SLA: variants seen among roughly 807,000 people sequenced by gnomAD.
The protein encoded by SLA is Src like adaptor.
A neutral mutation model predicts 30.3 loss-of-function variants in SLA; 16 were observed. The observed-to-expected ratio is 0.53, with a 90% confidence interval of 0.36 to 0.80. The LOEUF is 0.80. Ranked by LOEUF, SLA falls within the 30% of genes least tolerant of loss-of-function variation. The pLI, the probability that SLA is intolerant of heterozygous loss-of-function variation, is 0.01. For synonymous variants in SLA, 143 were observed against 137.8 expected (o/e 1.04, Z -0.26); for missense variants, 310 against 345.2 (o/e 0.90, Z 0.81).
intron 8 of SLA, among the ~76,000 whole-genome samples, chr8:133,039,288 T>A (rs1187753753): frequency 3.9e-5 from 6 of 152,264 alleles, no homozygotes; most frequent in African/African-American, 1.2e-4. Flanking sequence ...GGCTGTGTGA[T>A]CTTGGACAAA....
chr8:133,074,157 T>C (rs1844511994), intron 2 of SLA, among the ~76,000 whole-genome samples: 2 of 152,330 alleles, frequency 1.3e-5, no homozygotes, highest in African/African-American at 4.8e-5. Context: ...AACATGCTGT[T>C]TTCAGAATTT....
intron 2 of SLA, among the ~76,000 whole-genome samples, chr8:133,070,812 C>T (rs1340558720): frequency 6.6e-6 from 1 of 152,244 alleles, no homozygotes; most frequent in Non-Finnish European, 1.5e-5. Flanking sequence ...CCCGTGTCTG[C>T]AGGCACCCCC....
intron 3 of SLA, among the ~76,000 whole-genome samples, chr8:133,056,669 C>G (rs1449396392): frequency 6.6e-6 from 1 of 152,198 alleles, no homozygotes; most frequent in Non-Finnish European, 1.5e-5. Flanking sequence ...TAGGCAGAAG[C>G]CTCGTGGGGC....
At chr8:133,059,316 T>A in intron 3 of SLA, 1 of 360,632 alleles carries the variant, frequency 2.8e-6, no homozygotes, top group East Asian at 7.4e-5. Context: ...ATGAGAATTA[T>A]GGACTAGGAA....
At chr8:133,061,732 C>T (rs1587943216) in intron 2 of SLA, among the ~76,000 whole-genome samples, 1 of 152,186 alleles carries the variant, frequency 6.6e-6, no homozygotes, top group Non-Finnish European at 1.5e-5. Context: ...TTATGAAGGG[C>T]ACAAAAGTCA....
chr8:133,059,830 G>T (rs753255799), intron 3 of SLA, among the ~76,000 whole-genome samples: 7 of 152,158 alleles, frequency 4.6e-5, no homozygotes, highest in Non-Finnish European at 8.8e-5. Flanking sequence ...TCCCTATCTG[G>T]AAAATAAAGT....
intron 1 of SLA, among the ~76,000 whole-genome samples, chr8:133,095,902 A>T (rs141786346): frequency 1.9e-3 from 283 of 152,170 alleles, no homozygotes; most frequent in African/African-American, 6.6e-3. Context: ...CTCTTCAACC[A>T]CTGTCTCCTC....
intron 3 of SLA, among the ~76,000 whole-genome samples, chr8:133,057,172 C>A (rs879646081): frequency 0.018 from 2,778 of 152,076 alleles, 97 homozygotes; most frequent in African/African-American, 0.063. Context: ...GTGCTGCTGC[C>A]TCTGTTGGTG....
intron 1 of SLA, among the ~76,000 whole-genome samples, chr8:133,089,672 T>TCC (rs908191515): frequency 6.6e-6 from 1 of 152,196 alleles, no homozygotes; most frequent in African/African-American, 2.4e-5. Flanking sequence ...ATTTGTTCAC[T>TCC]CCCTCACTCA....
At chr8:133,054,507 G>T (rs991681659) in intron 3 of SLA, among the ~76,000 whole-genome samples, 1 of 152,200 alleles carries the variant, frequency 6.6e-6, no homozygotes, top group Admixed American at 6.5e-5. Flanking sequence ...TCATAGGATT[G>T]AGTGAAGGAT....
intron 1 of SLA, chr8:133,090,251 G>A (rs1847279416): frequency 6.6e-6 from 1 of 152,238 alleles, no homozygotes; most frequent in African/African-American, 2.4e-5. Context: ...GGTCTGGTGA[G>A]GGCTTAGAAG....
intron 2 of SLA, among the ~76,000 whole-genome samples, chr8:133,072,492 G>A (rs1405109193): frequency 6.6e-6 from 1 of 152,208 alleles, no homozygotes; most frequent in Non-Finnish European, 1.5e-5. Context: ...ACAGATAAAT[G>A]TATGAACAGG....
intron 2 of SLA, chr8:133,063,471 A>G (rs1484460016): frequency 2.0e-5 from 3 of 151,914 alleles, no homozygotes; most frequent in African/African-American, 4.8e-5. Flanking sequence ...AAGCATTTGC[A>G]TGCTATTTTG....
rs765931953 is a variant in SLA at position 133,094,242 on chromosome 8, C to CTTTT, written c.-319+8307_-319+8310dup. Reference sequence around the variant, plus strand: ...TTAGAAAGAAGAAACCTGTCGTTTTCTTTTTTTTTTTTTTTTTTGATGGAG... The same window carrying CTTTT: ...TTAGAAAGAAGAAACCTGTCGTTTTCTTTTTTTTTTTTTTTTTTTTTTGATGGAG... On this transcript the variant is annotated intron_variant, in intron 1 of 8. Coordinates refer to ENST00000338087, the MANE Select transcript of SLA (RefSeq NM_001045556.3). Among the ~76,000 whole-genome samples the CTTTT allele has an allele frequency of 2.4e-5, 3 of 126,574 alleles. 1 individual carries two copies. The highest frequency in any genetic ancestry group is 1.6e-4 in the Admixed American group (2 of 12,534). The allele number at this position is 126,574 out of a possible 152,430, so 83.0% of individuals were successfully genotyped here.
At chr8:133,066,325 C>CAA (rs11395047) in intron 2 of SLA, among the ~76,000 whole-genome samples, 23,931 of 86,712 alleles carry the variant, frequency 0.28, 3,742 homozygotes, top group South Asian at 0.33. Context: ...GACTCTGTCT[C>CAA]AAAAAAAAAA....
At chr8:133,055,984 G>A (rs1269334272) in intron 3 of SLA, among the ~76,000 whole-genome samples, 5 of 152,008 alleles carry the variant, frequency 3.3e-5, no homozygotes, top group Non-Finnish European at 5.9e-5. Flanking sequence ...CTTATTTTGA[G>A]TATGAGGAAA....
At position 133,037,700 on chromosome 8, in the gene SLA, CA is replaced by C. The variant is rs1837346821; in HGVS notation, c.*823del. ...GGACTTAATGCAATGCCTATTCGGG[CA>C]ATAAATGAATACTTGATGCATTCAT... On this transcript the variant is annotated 3_prime_UTR_variant, in exon 9 of 9. Coordinates refer to ENST00000338087, the MANE Select transcript of SLA (RefSeq NM_001045556.3). The C allele has an allele frequency of 1.3e-5, 2 of 151,472 alleles. No individual in the cohort carries two copies. The highest frequency in any genetic ancestry group is 1.3e-4 in the Admixed American group (2 of 15,196). The allele number at this position is 151,472 out of a possible 1,614,324, so 9.4% of individuals were successfully genotyped here. A position where few individuals can be genotyped will look rare whatever the true frequency, so the allele number is the denominator to read the frequency against.
intron 7 of SLA, 127 bp downstream of exon 7, chr8:133,044,857 G>A (rs2256366): frequency 0.17 from 149,930 of 878,576 alleles, 17,877 homozygotes; most frequent in East Asian, 0.5. Context: ...ATTAACGAGA[G>A]AGCATATCAT....
chr8:133,049,645 G>A, intron 5 of SLA: 1 of 476,738 alleles, frequency 2.1e-6, no homozygotes, highest in Non-Finnish European at 3.9e-6. Flanking sequence ...TTACCACTCT[G>A]TGCCAGGAGC....
Sources: gnomAD v4.1 joint callset for allele counts (sites outside exome capture counted in the v4.1 genomes callset) on GRCh38, gnomAD v4.1.1 for gene constraint, MANE v1.5 for transcripts, NCBI Gene and HGNC (gene_info 2026-07-23, HGNC 2026-07-21) for gene names.